ZFAT: variants seen among roughly 807,000 people sequenced by gnomAD.
ZFAT encodes zinc finger and AT-hook domain containing.
A neutral mutation model predicts 117.7 loss-of-function variants in ZFAT; 64 were observed. The observed-to-expected ratio is 0.54, with a 90% CI of 0.44 to 0.67. The LOEUF (loss-of-function observed/expected upper bound fraction) is 0.67, where lower values mean the gene tolerates loss of function less well. ZFAT is among the 30% of genes least tolerant of loss of function. The pLI is 0.00. For missense variants in ZFAT, 1,433 were observed against 1,584.5 expected (o/e 0.90, Z 1.62); for synonymous variants, 679 against 615.0 (o/e 1.10, Z -1.54).
At chr8:134,501,569 G>C (rs906497017) in intron 15 of ZFAT, among the ~76,000 whole-genome samples, 1 of 152,164 alleles carries the variant, frequency 6.6e-6, no homozygotes, top group East Asian at 1.9e-4. Flanking sequence ...TACAACTGAA[G>C]ATGCTAGGGT....
chr8:134,503,422 C>T (rs759986736), intron 15 of ZFAT, among the ~76,000 whole-genome samples: 2 of 152,190 alleles, frequency 1.3e-5, no homozygotes, highest in African/African-American at 4.8e-5. Flanking sequence ...AAGCAAATAA[C>T]AGTTTTTCAC....
rs1823791228 is a variant in ZFAT at position 134,558,194 on chromosome 8, C to A, written c.2976+7139G>T. Among the ~76,000 whole-genome samples the A allele has an allele frequency of 2.0e-5, 3 of 152,154 alleles. No homozygotes were observed. The South Asian group carries it at 6.2e-4, about 32-fold the overall frequency. On this transcript the variant is annotated intron_variant, in intron 11 of 15. Coordinates refer to ENST00000377838, the MANE Select transcript of ZFAT (RefSeq NM_020863.4). Reference sequence around the variant, plus strand: ...GGGTGGCAAGAGGCCAGAGTTTCTCCTTGTAAGAAGAAAGCCCCCTAACTC... The same window carrying A: ...GGGTGGCAAGAGGCCAGAGTTTCTCATTGTAAGAAGAAAGCCCCCTAACTC...
chr8:134,783,679 C>G, the ZFAT span: 3 of 152,156 alleles, frequency 2.0e-5, no homozygotes, highest in Non-Finnish European at 2.9e-5. Context: ...CAATGACTCA[C>G]AGAACTCAGA....
intron 1 of ZFAT, among the ~76,000 whole-genome samples, chr8:134,693,300 G>A (rs530371093): frequency 2.1e-4 from 32 of 152,134 alleles, no homozygotes; most frequent in Non-Finnish European, 3.1e-4. Context: ...ACAAAAGCGG[G>A]GGCACGCTGA....
intron 2 of ZFAT, among the ~76,000 whole-genome samples, chr8:134,649,261 A>C (rs1831092485): frequency 6.6e-6 from 1 of 151,986 alleles, no homozygotes; most frequent in Admixed American, 6.6e-5. Flanking sequence ...TATCAGAACA[A>C]GAATGTCCAC....
chr8:134,823,321 A>C, the ZFAT span, among the ~76,000 whole-genome samples: 4 of 152,226 alleles, frequency 2.6e-5, no homozygotes, highest in African/African-American at 9.6e-5. Flanking sequence ...TCAAGTATTA[A>C]AGCAATTATC....
At position 134,707,739 on chromosome 8, in the gene ZFAT, G is replaced by A. The variant is rs115675573; in HGVS notation, c.19+5106C>T. Among the ~76,000 whole-genome samples the A allele has an allele frequency of 6.2e-3, 948 of 152,254 alleles. 11 individuals are homozygous for A. The highest frequency in any genetic ancestry group is 0.021 in the African/African-American group (885 of 41,524). On this transcript the variant is annotated intron_variant, in intron 1 of 15. Coordinates refer to ENST00000377838, the MANE Select transcript of ZFAT (RefSeq NM_020863.4). Reference sequence around the variant, plus strand: ...CGCAGCTTCCACTGGCATCCTCTAAGGCCAGGTCCCTACCCCACCCATCCT... The same window carrying A: ...CGCAGCTTCCACTGGCATCCTCTAAAGCCAGGTCCCTACCCCACCCATCCT...
upstream of ZFAT, among the ~76,000 whole-genome samples, chr8:134,718,005 T>C (rs1814230843): frequency 1.3e-5 from 2 of 152,058 alleles, no homozygotes; most frequent in African/African-American, 4.8e-5. Context: ...TAATAACAAC[T>C]GTTTTTACAA....
At chr8:134,689,813 G>A (rs968233457) in intron 1 of ZFAT, among the ~76,000 whole-genome samples, 14 of 152,216 alleles carry the variant, frequency 9.2e-5, no homozygotes, top group African/African-American at 2.4e-4. Context: ...ACACACTCCA[G>A]CCCAGGCCTG....
At chr8:134,745,458 G>A in the ZFAT span, among the ~76,000 whole-genome samples, 4 of 152,208 alleles carry the variant, frequency 2.6e-5, no homozygotes, top group Admixed American at 6.5e-5. Context: ...CAGTAAGGAG[G>A]TGGGAGAGGT....
intron 15 of ZFAT, among the ~76,000 whole-genome samples, chr8:134,494,516 A>G (rs1412324378): frequency 6.6e-6 from 1 of 152,018 alleles, no homozygotes; most frequent in Non-Finnish European, 1.5e-5. Flanking sequence ...CTAATTAAGC[A>G]ATCTGCTTCC....
chr8:134,519,555 G>A (rs771017979), intron 13 of ZFAT, among the ~76,000 whole-genome samples: 1 of 152,132 alleles, frequency 6.6e-6, no homozygotes, highest in Non-Finnish European at 1.5e-5. Flanking sequence ...ATTTTAATCT[G>A]CTGCTTTTTG....
At chr8:134,692,663 A>G (rs1176587079) in intron 1 of ZFAT, among the ~76,000 whole-genome samples, 1 of 152,244 alleles carries the variant, frequency 6.6e-6, no homozygotes, top group African/African-American at 2.4e-5. Context: ...AATGAACAAA[A>G]CCATACTTTA....
the ZFAT span, among the ~76,000 whole-genome samples, chr8:134,829,903 G>C: frequency 7.9e-5 from 12 of 152,232 alleles, no homozygotes; most frequent in African/African-American, 2.9e-4. Context: ...ATGTAATATA[G>C]AAATGTGTGT....
intron 7 of ZFAT, among the ~76,000 whole-genome samples, chr8:134,594,335 A>C (rs1480529125): frequency 3.3e-5 from 5 of 152,258 alleles, no homozygotes; most frequent in African/African-American, 1.2e-4. Context: ...TTAAAAGTAC[A>C]CATACTGACC....
chr8:134,674,323 G>C (rs1832692211), intron 1 of ZFAT, among the ~76,000 whole-genome samples: 1 of 152,178 alleles, frequency 6.6e-6, no homozygotes, highest in South Asian at 2.1e-4. Flanking sequence ...CCCACCCCTA[G>C]AGCCTAGCAA....
intron 15 of ZFAT, among the ~76,000 whole-genome samples, chr8:134,504,785 C>T (rs536688371): frequency 3.3e-5 from 5 of 152,232 alleles, no homozygotes; most frequent in African/African-American, 1.2e-4. Context: ...GAATCCTTGG[C>T]CCATGTTACA....
At chr8:134,508,796 G>A (rs981112608) in intron 15 of ZFAT, among the ~76,000 whole-genome samples, 1 of 152,176 alleles carries the variant, frequency 6.6e-6, no homozygotes, top group African/African-American at 2.4e-5. Flanking sequence ...AATACCAAAT[G>A]AATCAATACA....
intron 6 of ZFAT, among the ~76,000 whole-genome samples, 173 bp downstream of exon 6, chr8:134,601,304 C>G (rs1827432370): frequency 6.6e-6 from 1 of 152,214 alleles, no homozygotes; most frequent in Admixed American, 6.5e-5. Flanking sequence ...GCCACCTCCA[C>G]AAGACTCCAA....
Sources: gnomAD v4.1 joint callset for allele counts (sites outside exome capture counted in the v4.1 genomes callset) on GRCh38, gnomAD v4.1.1 for gene constraint, MANE v1.5 for transcripts, NCBI Gene and HGNC (gene_info 2026-07-23, HGNC 2026-07-21) for gene names.